AUTS2: variants seen among roughly 807,000 people sequenced by gnomAD.
AUTS2 encodes the protein autism susceptibility gene 2 protein.
A neutral mutation model predicts 112.4 loss-of-function variants in AUTS2; 17 were observed. That is an observed-to-expected ratio of 0.15 (90% CI 0.10 to 0.23). The LOEUF (loss-of-function observed/expected upper bound fraction) is 0.23, where lower values mean the gene tolerates loss of function less well. Among genes scored for constraint, AUTS2 ranks in the 10% least tolerant of loss-of-function variants. The pLI is 1.00. For missense variants in AUTS2, 1,510 were observed against 1,701.6 expected (o/e 0.89, Z 1.98); for synonymous variants, 751 against 702.7 (o/e 1.07, Z -1.09).
intron 5 of AUTS2, among the ~76,000 whole-genome samples, chr7:70,475,226 A>C (rs909894262): frequency 7.2e-5 from 11 of 152,294 alleles, no homozygotes; most frequent in South Asian, 2.1e-4. Flanking sequence ...CTAACATGCA[A>C]AAATTTTCAC....
chr7:70,456,618 G>A (rs1419048957), intron 5 of AUTS2, among the ~76,000 whole-genome samples: 1 of 152,210 alleles, frequency 6.6e-6, no homozygotes, highest in Non-Finnish European at 1.5e-5. Context: ...CTCTGCTGAG[G>A]GCAGGCAGGC....
At chr7:69,885,335 C>T (rs1427969954) in intron 1 of AUTS2, among the ~76,000 whole-genome samples, 1 of 152,088 alleles carries the variant, frequency 6.6e-6, no homozygotes, top group Admixed American at 6.6e-5. Context: ...CTTTTCACCT[C>T]TTAAATAAAT....
chr7:69,632,330 A>T (rs1794285515), intron 1 of AUTS2, among the ~76,000 whole-genome samples: 1 of 152,238 alleles, frequency 6.6e-6, no homozygotes, highest in Non-Finnish European at 1.5e-5. Context: ...CATACTGAGC[A>T]CATAACAGAC....
At chr7:70,191,161 C>CTTTTTTTTTTTTTTTTTTT in intron 4 of AUTS2, among the ~76,000 whole-genome samples, 1 of 86,426 alleles carries the variant, frequency 1.2e-5, no homozygotes, top group Non-Finnish European at 2.1e-5. Flanking sequence ...CCACTTATTT[C>CTTTTTTTTTTTTTTTTTTT]TTTTTTTTTT....
intron 1 of AUTS2, among the ~76,000 whole-genome samples, chr7:69,682,251 C>T (rs528793936): frequency 6.6e-6 from 1 of 152,306 alleles, no homozygotes; most frequent in South Asian, 2.1e-4. Flanking sequence ...ATACCTATTA[C>T]ACAGTTAGAA....
chr7:69,921,869 C>T (rs930286678), intron 2 of AUTS2, among the ~76,000 whole-genome samples: 3 of 151,110 alleles, frequency 2.0e-5, no homozygotes, highest in African/African-American at 7.3e-5. Context: ...AGTTTGAGAC[C>T]AGCCTGACCA....
intron 2 of AUTS2, among the ~76,000 whole-genome samples, chr7:70,101,830 A>G (rs765997811): frequency 7.9e-5 from 12 of 152,206 alleles, no homozygotes; most frequent in Admixed American, 7.9e-4. Context: ...CTGTCTCCCA[A>G]CTAGAATTTC....
chr7:70,739,947 T>C (rs1266841450), intron 6 of AUTS2, among the ~76,000 whole-genome samples: 1 of 152,128 alleles, frequency 6.6e-6, no homozygotes, highest in Non-Finnish European at 1.5e-5. Flanking sequence ...ACAGCAGTAT[T>C]CCCGGCCCTC....
At chr7:70,173,053 A>C (rs1246923942) in intron 4 of AUTS2, among the ~76,000 whole-genome samples, 1 of 152,086 alleles carries the variant, frequency 6.6e-6, no homozygotes. Flanking sequence ...CTTCCTATTG[A>C]ATTCTTTTAA....
intron 2 of AUTS2, among the ~76,000 whole-genome samples, chr7:69,975,465 T>A (rs1412053375): frequency 6.6e-6 from 1 of 152,158 alleles, no homozygotes; most frequent in Non-Finnish European, 1.5e-5. Context: ...TTTTCCTCTC[T>A]CTCTGGGACT....
At chr7:69,963,493 A>C (rs1378724599) in intron 2 of AUTS2, among the ~76,000 whole-genome samples, 1 of 152,148 alleles carries the variant, frequency 6.6e-6, no homozygotes, top group East Asian at 1.9e-4. Flanking sequence ...CTATCATAGC[A>C]GGTGAAGTTT....
chr7:70,508,855 A>G (rs1799073305), intron 5 of AUTS2, among the ~76,000 whole-genome samples: 2 of 152,222 alleles, frequency 1.3e-5, no homozygotes, highest in African/African-American at 4.8e-5. Flanking sequence ...TAATGTTTGC[A>G]TTGTAACACT....
chr7:69,949,459 A>G (rs934765719), intron 2 of AUTS2, among the ~76,000 whole-genome samples: 6 of 152,136 alleles, frequency 3.9e-5, no homozygotes, highest in East Asian at 1.9e-4. Context: ...AAAAGCTAAC[A>G]CCACTTGCCT....
Position 69,599,717 on chromosome 7 carries a change from C to T in AUTS2, c.64C>T (p.Arg22Trp), listed in dbSNP as rs1263138285. 13 of 1,324,958 alleles carry T rather than the reference C, an allele frequency of 9.8e-6. No homozygotes were observed. The highest frequency in any genetic ancestry group is 1.2e-5 in the Non-Finnish European group (12 of 1,042,818). 82.1% of individuals were successfully genotyped at this position (1,324,958 alleles called of 1,614,324 possible). Reference protein sequence around the residue: ...KKRRSRSQRDRERRSRGGLGA... With the variant: ...KKRRSRSQRDWERRSRGGLGA... ...GCGGCGGTCGCGGTCGCAGCGAGACCGGGAGAGGCGCTCCCGGGGCGGGCT... is the reference window on the plus strand; with the variant it reads ...GCGGCGGTCGCGGTCGCAGCGAGACTGGGAGAGGCGCTCCCGGGGCGGGCT... The change falls in exon 1 of 19, where the codon CGG (arginine) becomes TGG (tryptophan). Residue 22 changes from arginine to tryptophan, a missense_variant. Physicochemically the swap from Arg to Trp is moderately radical, Grantham distance 101. Around this residue, in one of 3 missense-constraint regions of AUTS2, gnomAD observed 535 missense variants for 594.3 expected, o/e 0.90. Coordinates refer to ENST00000342771, the MANE Select transcript of AUTS2 (RefSeq NM_015570.4). The surrounding 1 kb of genome is among the most constrained non-coding windows in gnomAD (Gnocchi z 7.0).
chr7:70,486,079 AG>A (rs1797986185), intron 5 of AUTS2, among the ~76,000 whole-genome samples: 2 of 152,332 alleles, frequency 1.3e-5, no homozygotes, highest in South Asian at 4.1e-4. Context: ...CTGTTTTGCA[AG>A]GGTTGATGAC....
intron 5 of AUTS2, among the ~76,000 whole-genome samples, chr7:70,497,426 C>A (rs150055079): frequency 7.8e-4 from 119 of 152,336 alleles, no homozygotes; most frequent in African/African-American, 2.7e-3. Flanking sequence ...CAGAAGAGGT[C>A]ATGATGGATT....
At chr7:70,756,244 T>A (rs1353790350) in intron 6 of AUTS2, among the ~76,000 whole-genome samples, 4 of 152,186 alleles carry the variant, frequency 2.6e-5, no homozygotes, top group Non-Finnish European at 4.4e-5. Flanking sequence ...TTCACAATAG[T>A]TTTGGGAATA....
At chr7:70,708,345 A>G (rs1809851188) in intron 6 of AUTS2, among the ~76,000 whole-genome samples, 1 of 152,184 alleles carries the variant, frequency 6.6e-6, no homozygotes, top group Non-Finnish European at 1.5e-5. Context: ...CTGAAAGCAG[A>G]TTGGTCAGCT....
At chr7:70,104,800 T>C (rs1489977046) in intron 2 of AUTS2, among the ~76,000 whole-genome samples, 2 of 152,198 alleles carry the variant, frequency 1.3e-5, no homozygotes, top group African/African-American at 4.8e-5. Flanking sequence ...TCTTTTTTTT[T>C]CTCCTTACCC....
Sources: allele counts gnomAD v4.1 joint callset (sites outside exome capture counted in the v4.1 genomes callset), GRCh38; gene constraint gnomAD v4.1.1; regional missense constraint gnomAD v4.1.1; non-coding constraint Gnocchi (gnomAD v3.1); transcripts MANE v1.5; gene names NCBI Gene and HGNC (gene_info 2026-07-23, HGNC 2026-07-21).